AOPEP: variants seen among roughly 807,000 people sequenced by gnomAD.
The protein encoded by AOPEP is aminopeptidase O.
In AOPEP, 77 loss-of-function variants were observed where a neutral mutation model predicts 98.1. The ratio of observed to expected loss-of-function variants is 0.78; its 90% confidence interval spans 0.65 to 0.95. The LOEUF is 0.95. AOPEP is among the 40% of genes least tolerant of loss of function. AOPEP has a pLI of 0.00. For missense variants in AOPEP, 1,024 were observed against 1,024.7 expected (o/e 1.00, Z 0.01); for synonymous variants, 346 against 365.3 (o/e 0.95, Z 0.60).
chr9:94,759,545 G>A (rs1423411788), intron 1 of AOPEP, 104 bp from the exon 2 acceptor site: 5 of 484,654 alleles, frequency 1.0e-5, no homozygotes, highest in African/African-American at 9.7e-5. Flanking sequence ...TCTACCGCTT[G>A]GGGGATTATT....
chr9:94,768,232 G>A (rs549029657), intron 2 of AOPEP, among the ~76,000 whole-genome samples: 4 of 152,182 alleles, frequency 2.6e-5, no homozygotes, highest in Non-Finnish European at 5.9e-5. Flanking sequence ...GCCACTGTGG[G>A]CTCATTACCT....
chr9:95,012,038 A>G (rs2062568131), intron 13 of AOPEP, among the ~76,000 whole-genome samples: 1 of 152,244 alleles, frequency 6.6e-6, no homozygotes, highest in South Asian at 2.1e-4. Flanking sequence ...AATCCATTAC[A>G]TGTATCAGAT....
chr9:94,882,363 G>C (rs2047685214), intron 5 of AOPEP, among the ~76,000 whole-genome samples: 1 of 152,146 alleles, frequency 6.6e-6, no homozygotes, highest in Non-Finnish European at 1.5e-5. Flanking sequence ...TTTTTAATTT[G>C]TTTAGCCTTT....
chr9:94,878,070 CT>C (rs1411473057), intron 5 of AOPEP, among the ~76,000 whole-genome samples: 1 of 151,916 alleles, frequency 6.6e-6, no homozygotes, highest in Non-Finnish European at 1.5e-5. Context: ...AACAGTTACT[CT>C]GGTTTTGTGC....
intron 5 of AOPEP, among the ~76,000 whole-genome samples, chr9:94,860,587 T>C (rs1035436219): frequency 1.3e-5 from 2 of 151,862 alleles, no homozygotes; most frequent in Non-Finnish European, 2.9e-5. Flanking sequence ...TGGGGAAAAT[T>C]GGAGAGTTCC....
intron 5 of AOPEP, among the ~76,000 whole-genome samples, chr9:94,847,789 A>G (rs1426187539): frequency 1.3e-5 from 2 of 152,200 alleles, no homozygotes; most frequent in African/African-American, 4.8e-5. Flanking sequence ...GGCACTGTTG[A>G]TATCTTTTAA....
chr9:95,045,022 CAG>C (rs763761657), intron 13 of AOPEP, among the ~76,000 whole-genome samples: 55 of 152,200 alleles, frequency 3.6e-4, no homozygotes, highest in East Asian at 5.8e-4. Flanking sequence ...TGCTCAGAAA[CAG>C]GGGTCTTTAG....
At chr9:94,862,579 C>T (rs919830147) in intron 5 of AOPEP, among the ~76,000 whole-genome samples, 9 of 152,232 alleles carry the variant, frequency 5.9e-5, no homozygotes, top group Non-Finnish European at 1.3e-4. Context: ...GATGCTCAGC[C>T]AGTTTCCACT....
rs117094950 is a variant in AOPEP at position 94,912,329 on chromosome 9, C to T, written c.1365-11657C>T. Among the ~76,000 whole-genome samples, 91 of 152,240 alleles carry T rather than the reference C, an allele frequency of 6.0e-4. No homozygotes were observed. The East Asian group carries it at 0.013, about 22-fold the overall frequency. ...GAAAGTGCAAGTGCCAGCCAGCGTGCAGTTAAGTTGGGTACTAGGTAGCCA... is the reference window on the plus strand; with the variant it reads ...GAAAGTGCAAGTGCCAGCCAGCGTGTAGTTAAGTTGGGTACTAGGTAGCCA... On this transcript the variant is annotated intron_variant, in intron 5 of 16. Transcript: ENST00000375315.
At chr9:95,040,096 C>T (rs984624155) in intron 13 of AOPEP, among the ~76,000 whole-genome samples, 5 of 152,326 alleles carry the variant, frequency 3.3e-5, no homozygotes, top group South Asian at 4.1e-4. Flanking sequence ...GGCTTCTCCT[C>T]CCTCCCAGGG....
chr9:95,090,432 C>T (rs1455783489), downstream of AOPEP, among the ~76,000 whole-genome samples: 1 of 152,218 alleles, frequency 6.6e-6, no homozygotes, highest in Non-Finnish European at 1.5e-5. Context: ...CTGCTGCCGC[C>T]TCCGGCTGTC....
At chr9:94,855,759 C>T (rs4744387) in intron 5 of AOPEP, among the ~76,000 whole-genome samples, 127,384 of 152,156 alleles carry the variant, frequency 0.84, 55,287 homozygotes, top group Non-Finnish European at 0.94. Flanking sequence ...ACTGGTGGTT[C>T]GCATGTGGGT....
chr9:94,817,946 G>A (rs994503702), intron 5 of AOPEP, among the ~76,000 whole-genome samples: 3 of 152,200 alleles, frequency 2.0e-5, no homozygotes, highest in African/African-American at 7.2e-5. Context: ...GAGAATGGAA[G>A]CCTCTTCCTG....
At chr9:94,884,201 T>G (rs1349311893) in intron 5 of AOPEP, among the ~76,000 whole-genome samples, 1 of 152,168 alleles carries the variant, frequency 6.6e-6, no homozygotes, top group African/African-American at 2.4e-5. Context: ...TTAAATTCCT[T>G]CTAATAGCCC....
At chr9:95,068,851 T>A (rs968159934) in intron 14 of AOPEP, among the ~76,000 whole-genome samples, 1 of 152,152 alleles carries the variant, frequency 6.6e-6, no homozygotes, top group Non-Finnish European at 1.5e-5. Flanking sequence ...TGAGTTTCTT[T>A]CATGGAGTAA....
chr9:95,143,669 T>C, the AOPEP span, among the ~76,000 whole-genome samples: 1 of 152,192 alleles, frequency 6.6e-6, no homozygotes, highest in Admixed American at 6.5e-5. Context: ...ATAGAACAAA[T>C]TCTCCATCCA....
intron 3 of AOPEP, among the ~76,000 whole-genome samples, chr9:94,788,134 G>A (rs1159811124): frequency 1.3e-5 from 2 of 152,010 alleles, no homozygotes; most frequent in African/African-American, 2.4e-5. Context: ...GTAGTGGTGT[G>A]ATCACAGCTC....
chr9:94,776,940 G>A (rs1842241420), intron 3 of AOPEP, among the ~76,000 whole-genome samples: 1 of 148,966 alleles, frequency 6.7e-6, no homozygotes, highest in Non-Finnish European at 1.5e-5. Flanking sequence ...TTAGAAGACT[G>A]GATGAATGGT....
intron 5 of AOPEP, among the ~76,000 whole-genome samples, chr9:94,801,492 A>G (rs563153682): frequency 2.9e-4 from 44 of 152,338 alleles, no homozygotes; most frequent in African/African-American, 9.4e-4. Context: ...AGTCAGATAG[A>G]CTGTGGATGG....
Sources: gnomAD v4.1 joint callset for allele counts (sites outside exome capture counted in the v4.1 genomes callset) on GRCh38, gnomAD v4.1.1 for gene constraint, MANE v1.5 for transcripts, NCBI Gene and HGNC (gene_info 2026-07-23, HGNC 2026-07-21) for gene names.